The following APOL4 variants were observed in gnomAD, a reference collection of about 807,000 sequenced individuals.
The protein encoded by APOL4 is apolipoprotein L4.
APOL4 carries 14 observed loss-of-function variants against 12.1 expected under a neutral mutation model. That is an observed-to-expected ratio of 1.16 (90% CI 0.76 to 1.81). The LOEUF is 1.81. Among genes scored for constraint, APOL4 ranks in the 40% most tolerant of loss-of-function variants. The probability of loss-of-function intolerance (pLI) is 0.00; values close to 1 mark genes in which losing one functional copy is unlikely to be tolerated. For missense variants in APOL4, 432 were observed against 423.1 expected, an observed-to-expected ratio of 1.02 and a Z score of -0.18; for synonymous variants, 171 against 160.6, an observed-to-expected ratio of 1.06 and a Z score of -0.49.
intron 1 of APOL4, among the ~76,000 whole-genome samples, chr22:36,200,844 A>C (rs956557085): frequency 6.6e-6 from 1 of 152,240 alleles, no homozygotes; most frequent in Non-Finnish European, 1.5e-5. Flanking sequence ...ACAACATGTA[A>C]ATTTGAGAAC....
intron 1 of APOL4, among the ~76,000 whole-genome samples, chr22:36,200,366 C>T (rs889779693): frequency 2.0e-5 from 3 of 152,242 alleles, no homozygotes; most frequent in African/African-American, 7.2e-5. Flanking sequence ...ATGTCTCACA[C>T]TCCGTGCTCA....
chr22:36,202,634 G>T (rs6000185), upstream of APOL4, among the ~76,000 whole-genome samples: 17,404 of 151,922 alleles, frequency 0.11, 1,070 homozygotes, highest in African/African-American at 0.17. Flanking sequence ...GCTGAGGCAG[G>T]AGAATGGTGT....
At chr22:36,194,124 G>A (rs1020353167) in intron 3 of APOL4, among the ~76,000 whole-genome samples, 6 of 152,072 alleles carry the variant, frequency 3.9e-5, no homozygotes, top group African/African-American at 1.2e-4. Context: ...TGAGTCTTCC[G>A]AGAACCCTTC....
At chr22:36,199,166 T>A (rs1485969057) in intron 2 of APOL4, among the ~76,000 whole-genome samples, 164 bp downstream of exon 2, 1 of 152,210 alleles carries the variant, frequency 6.6e-6, no homozygotes, top group Non-Finnish European at 1.5e-5. Context: ...GGACTCCACG[T>A]GGCCTCTCTT....
chr22:36,201,999 C>T (rs535419664), upstream of APOL4: 9 of 1,614,160 alleles, frequency 5.6e-6, no homozygotes, highest in South Asian at 3.3e-5. Flanking sequence ...TCACCAGATG[C>T]AGACGACAAA....
At chr22:36,196,937 A>T (rs2014426921) in intron 2 of APOL4, among the ~76,000 whole-genome samples, 1 of 152,154 alleles carries the variant, frequency 6.6e-6, no homozygotes, top group Non-Finnish European at 1.5e-5. Flanking sequence ...CCTGCTGGTC[A>T]TGGGCTCTCT....
chr22:36,194,500 C>T (rs1384116584), intron 3 of APOL4, among the ~76,000 whole-genome samples: 1 of 152,226 alleles, frequency 6.6e-6, no homozygotes, highest in Non-Finnish European at 1.5e-5. Flanking sequence ...GGCTCTGCCC[C>T]TGGCAATGTC....
chr22:36,197,783 T>C, intron 2 of APOL4: 1 of 1,550,414 alleles, frequency 6.4e-7, no homozygotes, highest in Non-Finnish European at 8.7e-7. Context: ...CAGAAGGAGC[T>C]GCTGTAACCA....
chr22:36,202,070 G>T, upstream of APOL4: 5 of 1,613,788 alleles, frequency 3.1e-6, no homozygotes, highest in Non-Finnish European at 3.4e-6. Flanking sequence ...GGCAGGAAAA[G>T]AGGGGTTGAG....
In APOL4 at chr22:36,191,263, G is replaced by A. The variant is rs150226555; in HGVS notation, c.859C>T (p.Arg287Trp). 4.2e-4 allele frequency: 682 copies of A among 1,614,006 alleles called. 4 individuals carry two copies. In the African/African-American group the frequency reaches 7.9e-3, roughly 19 times the overall value. ...CCTGAAGTGGCCTTGCCCAGGTTCC[G>A]GGCTACTTTTCTCACTATCCGGGTG... ...APTRIVRKVA[R>W]NLGKATSGVL... Residue 287 changes from arginine to tryptophan, a missense_variant, in exon 4 of 4, where the codon CGG (arginine) becomes TGG (tryptophan). Transcript: ENST00000683024.
chr22:36,200,700 A>G (rs915022317), intron 1 of APOL4, among the ~76,000 whole-genome samples: 30 of 152,228 alleles, frequency 2.0e-4, no homozygotes, highest in African/African-American at 7.2e-4. Context: ...AACATCTCAA[A>G]ATGTTTTATA....
upstream of APOL4, among the ~76,000 whole-genome samples, chr22:36,203,329 G>A (rs555956190): frequency 1.2e-3 from 189 of 152,320 alleles, 2 homozygotes; most frequent in African/African-American, 4.3e-3. Context: ...TAGTGAGGGC[G>A]GGGGTAGGTT....
chr22:36,192,092 G>A (rs1164924623), intron 3 of APOL4, among the ~76,000 whole-genome samples, 180 bp from the exon 4 acceptor site: 1 of 152,184 alleles, frequency 6.6e-6, no homozygotes, highest in African/African-American at 2.4e-5. Context: ...TGTAATCCCA[G>A]CACTTTGGGA....
In APOL4 at chr22:36,191,090, A is replaced by C; in HGVS notation, c.1032T>G (p.Ser344Arg). 1 of 1,602,332 alleles carries C rather than the reference A, an allele frequency of 6.2e-7. No homozygotes were observed. Among genetic ancestry groups the C allele is most frequent in the African/African-American group, 1.3e-5 (1 of 74,738 alleles). The change falls in exon 4 of 4, where the codon AGT becomes AGG. Residue 344 changes from serine (S) to arginine (R), a missense_variant. Coordinates refer to ENST00000683024, the MANE Select transcript of APOL4 (RefSeq NM_001386885.1). Reference protein sequence around the residue: ...NLNELTHIHQSLKAG With the variant: ...NLNELTHIHQRLKAG ...ACAATTGGGCCTAGCCTGCTTTTAG[A>C]CTCTGATGGATATGGGTGAGCTCAT...
upstream of APOL4, chr22:36,202,014 T>G (rs772480749): frequency 6.2e-7 from 1 of 1,614,130 alleles, no homozygotes; most frequent in East Asian, 2.2e-5. Context: ...GACAAAGATT[T>G]TCAGCAAAGC....
intron 2 of APOL4, 137 bp from the exon 3 acceptor site, chr22:36,195,574 T>C (rs1260086517): frequency 2.1e-6 from 2 of 940,026 alleles, no homozygotes; most frequent in Non-Finnish European, 3.1e-6. Flanking sequence ...ACCAGTGCTA[T>C]AGACTGAATT....
chr22:36,196,953 G>A (rs984559349), intron 2 of APOL4, among the ~76,000 whole-genome samples: 2 of 152,154 alleles, frequency 1.3e-5, no homozygotes, highest in South Asian at 2.1e-4. Context: ...TCTCTCAGAT[G>A]GGCAGTGGAG....
At position 36,201,694 on chromosome 22, in the gene APOL4, A is replaced by G; in HGVS notation, c.35+6T>C. 1.2e-6 allele frequency: 2 copies of G among 1,603,468 alleles called. No individual in the cohort carries two copies. The highest frequency in any genetic ancestry group is 1.7e-6 in the Non-Finnish European group (2 of 1,176,004). On this transcript the variant is annotated splice_donor_region_variant and intron_variant, in intron 1 of 3. Coordinates refer to ENST00000683024, the MANE Select transcript of APOL4 (RefSeq NM_001386885.1). ...GGAGGGCAGAGAGCTGGGGCCTCGG[A>G]CTCACCCGACGCTTGTGATGAGCTG...
chr22:36,197,479 T>C (rs1167255393), intron 2 of APOL4: 19 of 1,036,370 alleles, frequency 1.8e-5, no homozygotes, highest in Non-Finnish European at 2.2e-5. Context: ...TGTGTTTTAT[T>C]GATGGGGTGG....
Sources: gnomAD v4.1 joint callset for allele counts (sites outside exome capture counted in the v4.1 genomes callset) on GRCh38, gnomAD v4.1.1 for gene constraint, MANE v1.5 for transcripts, NCBI Gene and HGNC (gene_info 2026-07-23, HGNC 2026-07-21) for gene names.